STK17B: variants seen among roughly 807,000 people sequenced by gnomAD.
STK17B encodes the protein serine/threonine-protein kinase 17B.
Under a neutral mutation model 42.0 loss-of-function variants are expected in STK17B, and 21 were observed. That is an observed-to-expected ratio of 0.50 (90% CI 0.35 to 0.72). The LOEUF is 0.72. Among genes scored for constraint, STK17B ranks in the 30% least tolerant of loss-of-function variants. The pLI is 0.00. For missense variants in STK17B, 349 were observed against 446.0 expected (o/e 0.78, Z 1.96); for synonymous variants, 143 against 148.4 (o/e 0.96, Z 0.26).
chr2:196,144,013 C>A (rs530924829), intron 4 of STK17B, among the ~76,000 whole-genome samples: 1 of 86,292 alleles, frequency 1.2e-5, no homozygotes, highest in African/African-American at 3.8e-5. Context: ...GATGCGTAAG[C>A]TGAGACTTAA....
Position 196,156,661 on chromosome 2 carries a change from G to A in STK17B, c.123-10C>T, listed in dbSNP as rs779983099. 1.9e-6 allele frequency: 3 copies of A among 1,596,400 alleles called. No individual in the cohort carries two copies. In the South Asian group the frequency reaches 3.4e-5, roughly 18 times the overall value. ...CACAGCAAATTTTCCTCTGGGGGAA[G>A]ATGAGAACAATCAATTTTAATTTTT... On this transcript the variant is annotated splice_polypyrimidine_tract_variant and intron_variant, in intron 2 of 7. Coordinates refer to ENST00000263955, the MANE Select transcript of STK17B (RefSeq NM_004226.4).
chr2:196,172,837 C>G (rs1559418891), upstream of STK17B, among the ~76,000 whole-genome samples: 1 of 152,158 alleles, frequency 6.6e-6, no homozygotes, highest in Non-Finnish European at 1.5e-5. Context: ...AAATGCCACA[C>G]ACTGGAATTA....
chr2:196,150,048 G>A (rs555664196), intron 3 of STK17B, among the ~76,000 whole-genome samples: 2 of 152,028 alleles, frequency 1.3e-5, no homozygotes, highest in African/African-American at 4.8e-5. Context: ...CTTAAGAGGA[G>A]GGAAAGAACT....
Position 196,137,628 on chromosome 2 carries a change from G to A in STK17B, c.938C>T (p.Thr313Ile), listed in dbSNP as rs768797284. Residue 313 changes from threonine to isoleucine, a missense_variant, in exon 8 of 8, where the codon ACT becomes ATT. By Grantham distance (89) the Thr-to-Ile change is moderately conservative (BLOSUM62 -1). Around this residue, in one of 3 missense-constraint regions of STK17B, gnomAD observed 87 missense variants for 78.8 expected, o/e 1.10. Coordinates refer to ENST00000263955, the MANE Select transcript of STK17B (RefSeq NM_004226.4). Reference protein sequence around the residue: ...HPEETSSSSQTQDHSVRSSED... With the variant: ...HPEETSSSSQIQDHSVRSSED... Reference sequence around the variant, plus strand: ...AGAGGACCTTACAGAATGATCCTGAGTTTGAGAGGAACTGGAAGTTTCTTC... The same window carrying A: ...AGAGGACCTTACAGAATGATCCTGAATTTGAGAGGAACTGGAAGTTTCTTC... The A allele has an allele frequency of 1.2e-5, 20 of 1,613,992 alleles. No homozygotes were observed. The highest frequency in any genetic ancestry group is 1.6e-5 in the Non-Finnish European group (19 of 1,180,000).
upstream of STK17B, chr2:196,176,351 A>G (rs982392639): frequency 2.6e-5 from 4 of 152,210 alleles, no homozygotes; most frequent in African/African-American, 9.7e-5. Flanking sequence ...ACCACACGTT[A>G]TTTAAGGTTG....
intron 6 of STK17B, among the ~76,000 whole-genome samples, chr2:196,140,341 C>T (rs944911836): frequency 6.6e-6 from 1 of 152,168 alleles, no homozygotes; most frequent in African/African-American, 2.4e-5. Flanking sequence ...CCTGGGCAAA[C>T]CCATGAGCAG....
intron 5 of STK17B, among the ~76,000 whole-genome samples, chr2:196,143,104 C>T (rs1022042031): frequency 1.3e-5 from 2 of 152,114 alleles, no homozygotes; most frequent in Non-Finnish European, 2.9e-5. Flanking sequence ...AGGTGGCCGG[C>T]TAACAATTCC....
intron 7 of STK17B, among the ~76,000 whole-genome samples, chr2:196,139,375 G>A (rs190889421): frequency 6.6e-6 from 1 of 152,308 alleles, no homozygotes; most frequent in East Asian, 1.9e-4. Context: ...ATTAGTAGTG[G>A]TTTGTGAGAG....
rs1317384526 is a variant in STK17B at position 196,137,186 on chromosome 2, T to G, written c.*261A>C. ...GTAAGTTCATTTGAAGTTGAATTAT[T>G]TCATTAACATGTAAACTCACATGTA... On this transcript the variant is annotated 3_prime_UTR_variant, in exon 8 of 8. Transcript: ENST00000263955. 2.6e-6 allele frequency: 1 copy of G among 382,216 alleles called. No individual in the cohort carries two copies. Among genetic ancestry groups the G allele is most frequent in the East Asian group, 4.7e-5 (1 of 21,352 alleles). 23.7% of individuals were successfully genotyped at this position (382,216 alleles called of 1,614,324 possible).
At chr2:196,168,673 C>G (rs770542462) in intron 1 of STK17B, among the ~76,000 whole-genome samples, 6 of 152,072 alleles carry the variant, frequency 3.9e-5, no homozygotes, top group Non-Finnish European at 7.4e-5. Context: ...TTAAATGGCA[C>G]TGAAGTTTGA....
At chr2:196,158,967 C>A (rs1699775555) in intron 2 of STK17B, among the ~76,000 whole-genome samples, 1 of 148,622 alleles carries the variant, frequency 6.7e-6, no homozygotes, top group African/African-American at 2.5e-5. Context: ...GCTGAGACCA[C>A]GTCACTGCAC....
At chr2:196,151,270 C>T (rs985478414) in intron 3 of STK17B, 3 of 151,512 alleles carry the variant, frequency 2.0e-5, no homozygotes, top group Non-Finnish European at 4.4e-5. Context: ...TTTGAGACGA[C>T]TCTCGCTCTG....
intron 3 of STK17B, among the ~76,000 whole-genome samples, chr2:196,151,786 T>C (rs1376183320): frequency 6.6e-6 from 1 of 152,182 alleles, no homozygotes; most frequent in Non-Finnish European, 1.5e-5. Flanking sequence ...ATAGATCTAA[T>C]ACTACCTTCC....
chr2:196,139,945 T>C (rs572338958), intron 6 of STK17B, 146 bp from the exon 7 acceptor site: 13 of 503,550 alleles, frequency 2.6e-5, no homozygotes, highest in Middle Eastern at 5.7e-4. Flanking sequence ...TCCTATATTA[T>C]TAAAACTAAA....
At chr2:196,170,858 G>A (rs1395379152) in intron 1 of STK17B, 2 of 152,282 alleles carry the variant, frequency 1.3e-5, no homozygotes, top group African/African-American at 2.4e-5. Context: ...AGGCAGCTGG[G>A]AGCAGGACGC....
chr2:196,149,116 C>T (rs557734253), intron 3 of STK17B, among the ~76,000 whole-genome samples: 1 of 151,958 alleles, frequency 6.6e-6, no homozygotes, highest in Admixed American at 6.6e-5. Flanking sequence ...TCAATAAATA[C>T]TTATCACAGT....
At chr2:196,167,801 G>A (rs953425543) in intron 1 of STK17B, among the ~76,000 whole-genome samples, 2 of 152,186 alleles carry the variant, frequency 1.3e-5, no homozygotes, top group Middle Eastern at 3.2e-3. Flanking sequence ...GATAAGTCTA[G>A]ATCATCATGA....
intron 3 of STK17B, among the ~76,000 whole-genome samples, chr2:196,152,105 GC>G (rs1167536496): frequency 1.0e-5 from 1 of 97,690 alleles, no homozygotes; most frequent in African/African-American, 4.1e-5. Flanking sequence ...TCAAAAAAGT[GC>G]CTTTTTTTTT....
Position 196,163,669 on chromosome 2 carries a change from TA to T in STK17B, c.-44-243del, listed in dbSNP as rs928087929. The stretch of plus-strand genomic sequence containing the variant: ...AACTACGGTAAAAATCCTCTCAATT[TA>T]AAAAAAATAGTTATGATAAAATTAT... On this transcript the variant is annotated intron_variant, in intron 1 of 7. Transcript: ENST00000263955. Among the ~76,000 whole-genome samples, 4 of 152,052 alleles carry T rather than the reference TA, an allele frequency of 2.6e-5. No individual in the cohort carries two copies. In the East Asian group the frequency reaches 5.8e-4, roughly 22 times the overall value.
Sources: gnomAD v4.1 joint callset for allele counts (sites outside exome capture counted in the v4.1 genomes callset) on GRCh38, gnomAD v4.1.1 for gene constraint, gnomAD v4.1.1 regional missense constraint, MANE v1.5 for transcripts, NCBI Gene and HGNC (gene_info 2026-07-23, HGNC 2026-07-21) for gene names.